The following VPS13B variants were observed in gnomAD, a reference collection of about 807,000 sequenced individuals.
VPS13B encodes vacuolar protein sorting 13 homolog B, also known as intermembrane lipid transfer protein VPS13B.
VPS13B carries 285 observed loss-of-function variants against 426.4 expected under a neutral mutation model. That is an observed-to-expected ratio of 0.67 (90% CI 0.61 to 0.74). VPS13B has a LOEUF of 0.74. VPS13B is among the 30% of genes least tolerant of loss of function. The pLI is 0.00. For missense variants in VPS13B, 4,537 were observed against 4,782.6 expected (o/e 0.95, Z 1.51); for synonymous variants, 1,676 against 1,676.4 (o/e 1.00, Z 0.01).
rs750597957 is a variant in VPS13B, at chr8:99,108,803, T to C, written c.581-2295T>C. On this transcript the variant is annotated intron_variant, in intron 5 of 61. Transcript: ENST00000357162. Reference sequence around the variant, plus strand: ...AAAATTTTAGGATTGTTTTTTCTTATGTCTGTGAAAAAATGTCATTGGTAT... The same window carrying C: ...AAAATTTTAGGATTGTTTTTTCTTACGTCTGTGAAAAAATGTCATTGGTAT... Among the ~76,000 whole-genome samples, 5 of 152,160 alleles carry C rather than the reference T, an allele frequency of 3.3e-5. No homozygotes were observed. The South Asian group carries it at 1.0e-3, about 32-fold the overall frequency.
At chr8:99,032,567 T>C (rs979530611) in intron 2 of VPS13B, among the ~76,000 whole-genome samples, 2 of 150,526 alleles carry the variant, frequency 1.3e-5, no homozygotes, top group African/African-American at 4.9e-5. Flanking sequence ...TCTCGCTCTG[T>C]TACCCAGGCT....
At chr8:99,258,781 G>C (rs1817892947) in intron 17 of VPS13B, among the ~76,000 whole-genome samples, 1 of 151,972 alleles carries the variant, frequency 6.6e-6, no homozygotes, top group Non-Finnish European at 1.5e-5. Flanking sequence ...ATGGCTTTTA[G>C]AGATAAAAGC....
intron 17 of VPS13B, among the ~76,000 whole-genome samples, chr8:99,223,399 T>C (rs965277676): frequency 6.6e-6 from 1 of 152,194 alleles, no homozygotes; most frequent in Non-Finnish European, 1.5e-5. Flanking sequence ...TTGTACATAC[T>C]TGCTATCTAT....
intron 44 of VPS13B, among the ~76,000 whole-genome samples, chr8:99,814,382 G>A (rs1813898522): frequency 6.6e-6 from 1 of 152,062 alleles, no homozygotes; most frequent in South Asian, 2.1e-4. Flanking sequence ...AAGAAGGCTG[G>A]TTCAGTATTG....
Position 99,861,928 on chromosome 8 carries a change from C to A in VPS13B, c.11197C>A (p.Leu3733Met), listed in dbSNP as rs1318142770. ...GEGLRQGLSR[L>M]GISLLGAIAG... ...GGGGCTTCGACAGGGCCTGTCCCGG[C>A]TGGGCATCAGCCTGCTTGGTAAGGG... is the stretch of plus-strand genomic sequence containing the variant. The change falls in exon 58 of 62, where the codon CTG becomes ATG. Residue 3733 changes from leucine to methionine, a missense_variant. Leu to Met is a conservative substitution (Grantham distance 15). Transcript: ENST00000357162. The A allele has an allele frequency of 6.3e-7, 1 of 1,594,774 alleles. No individual in the cohort carries two copies. The highest frequency in any genetic ancestry group is 8.5e-7 in the Non-Finnish European group (1 of 1,171,906).
chr8:99,800,148 T>G (rs1193809227), intron 43 of VPS13B, among the ~76,000 whole-genome samples: 1 of 152,190 alleles, frequency 6.6e-6, no homozygotes, highest in Non-Finnish European at 1.5e-5. Flanking sequence ...ATTTTACTTA[T>G]TTTTAAAAAA....
chr8:99,566,941 TATAGTTCACTGTGTTGTGATC>T (rs1193414585), intron 31 of VPS13B, among the ~76,000 whole-genome samples: 2 of 152,154 alleles, frequency 1.3e-5, no homozygotes, highest in Non-Finnish European at 2.9e-5. Context: ...CTGTGTCACT[TATAGTTCACTGTGTTGTGATC>T]ATAGTTCACT....
chr8:99,262,192 A>T (rs190764845), intron 17 of VPS13B, among the ~76,000 whole-genome samples: 236 of 152,246 alleles, frequency 1.6e-3, no homozygotes, highest in African/African-American at 5.2e-3. Context: ...TGTGAGTTGT[A>T]CTTTTGAGAT....
At chr8:99,313,218 C>T (rs909557260) in intron 19 of VPS13B, among the ~76,000 whole-genome samples, 2 of 152,184 alleles carry the variant, frequency 1.3e-5, no homozygotes, top group East Asian at 1.9e-4. Context: ...TGAGGAGCTG[C>T]GTTCCTTTGG....
chr8:99,293,835 A>G (rs1381382426), intron 19 of VPS13B, among the ~76,000 whole-genome samples: 8 of 149,350 alleles, frequency 5.4e-5, no homozygotes, highest in Admixed American at 2.0e-4. Flanking sequence ...CAAAACCACA[A>G]TGAGATACCA....
intron 2 of VPS13B, among the ~76,000 whole-genome samples, chr8:99,036,492 T>A (rs1469464858): frequency 1.3e-5 from 2 of 152,172 alleles, no homozygotes; most frequent in African/African-American, 4.8e-5. Context: ...GTGTTTCACC[T>A]TTTACTATAT....
At chr8:99,186,749 C>A (rs774343985) in intron 16 of VPS13B, among the ~76,000 whole-genome samples, 6 of 152,036 alleles carry the variant, frequency 3.9e-5, no homozygotes, top group Non-Finnish European at 5.9e-5. Context: ...GTATAATTGG[C>A]GTGTTTATTA....
At chr8:99,650,026 G>C (rs1227586127) in intron 34 of VPS13B, among the ~76,000 whole-genome samples, 1 of 152,174 alleles carries the variant, frequency 6.6e-6, no homozygotes, top group African/African-American at 2.4e-5. Context: ...ATTGTAAGCA[G>C]CATGAGAGTT....
intron 33 of VPS13B, among the ~76,000 whole-genome samples, chr8:99,607,594 A>G (rs1389742953): frequency 6.6e-6 from 1 of 152,200 alleles, no homozygotes. Context: ...AGCAGGTCAT[A>G]TACAATTTGT....
chr8:99,554,373 C>T (rs970109823), intron 30 of VPS13B, among the ~76,000 whole-genome samples: 2 of 152,102 alleles, frequency 1.3e-5, no homozygotes, highest in South Asian at 2.1e-4. Flanking sequence ...AGGCCATCAA[C>T]TGCCTCAGAT....
chr8:99,248,862 C>T (rs1455282025), intron 17 of VPS13B, among the ~76,000 whole-genome samples: 1 of 152,136 alleles, frequency 6.6e-6, no homozygotes, highest in African/African-American at 2.4e-5. Context: ...AGCTTCTCCC[C>T]CACTCCCAAG....
intron 28 of VPS13B, 127 bp from the exon 29 acceptor site, chr8:99,510,977 G>A: frequency 3.0e-6 from 3 of 1,008,458 alleles, no homozygotes; most frequent in Non-Finnish European, 4.4e-6. Flanking sequence ...TCAGTCATGT[G>A]TTTATTAAGA....
intron 29 of VPS13B, among the ~76,000 whole-genome samples, chr8:99,516,030 G>T (rs996961776): frequency 6.6e-6 from 1 of 151,764 alleles, no homozygotes; most frequent in Non-Finnish European, 1.5e-5. Context: ...ACTTATAATT[G>T]TACTTGCATC....
intron 25 of VPS13B, among the ~76,000 whole-genome samples, chr8:99,493,780 T>TAAAAAAAAAA (rs376555643): frequency 1.5e-4 from 9 of 61,076 alleles, no homozygotes; most frequent in South Asian, 5.4e-4. Flanking sequence ...AGACTCTATC[T>TAAAAAAAAAA]AAAAAAAAAA....
Sources: gnomAD v4.1 joint callset for allele counts (sites outside exome capture counted in the v4.1 genomes callset) on GRCh38, gnomAD v4.1.1 for gene constraint, MANE v1.5 for transcripts, NCBI Gene and HGNC (gene_info 2026-07-23, HGNC 2026-07-21) for gene names.